Variants in SLC4A10 observed in about 807,000 individuals in gnomAD.
SLC4A10 encodes solute carrier family 4 member 10, also known as sodium-driven chloride bicarbonate exchanger.
In SLC4A10, 42 loss-of-function variants were observed where a neutral mutation model predicts 137.7. That is an observed-to-expected ratio of 0.30 (90% CI 0.24 to 0.39). SLC4A10 has a LOEUF of 0.39. Ranked by LOEUF, SLC4A10 falls within the 10% of genes least tolerant of loss-of-function variation. The probability of loss-of-function intolerance (pLI) is 1.00; values close to 1 mark genes in which losing one functional copy is unlikely to be tolerated. For missense variants in SLC4A10, 925 were observed against 1,355.0 expected (o/e 0.68, Z 4.98); for synonymous variants, 474 against 464.1 (o/e 1.02, Z -0.27).
At chr2:161,701,332 A>G (rs1343777794) in intron 1 of SLC4A10, among the ~76,000 whole-genome samples, 1 of 152,064 alleles carries the variant, frequency 6.6e-6, no homozygotes, top group Non-Finnish European at 1.5e-5. Context: ...TTAAAAAGAC[A>G]AAACCTGTCT....
chr2:161,682,610 T>C (rs2040981840), intron 1 of SLC4A10, among the ~76,000 whole-genome samples: 2 of 152,154 alleles, frequency 1.3e-5, no homozygotes, highest in Admixed American at 6.6e-5. Context: ...TATTTGCTTA[T>C]AATTTTGCAA....
At chr2:161,884,461 A>C (rs1047737936) in intron 10 of SLC4A10, among the ~76,000 whole-genome samples, 1 of 152,216 alleles carries the variant, frequency 6.6e-6, no homozygotes, top group African/African-American at 2.4e-5. Context: ...GACACAGAAC[A>C]GGGAAACATC....
intron 1 of SLC4A10, among the ~76,000 whole-genome samples, chr2:161,703,919 A>G (rs1292071302): frequency 2.0e-5 from 3 of 151,830 alleles, no homozygotes; most frequent in East Asian, 3.9e-4. Context: ...TAGGATTTCA[A>G]TAGAAATGGC....
intron 4 of SLC4A10, among the ~76,000 whole-genome samples, chr2:161,841,302 T>C (rs1427297595): frequency 2.0e-5 from 3 of 152,118 alleles, no homozygotes; most frequent in African/African-American, 7.2e-5. Flanking sequence ...GGTCTCGAAC[T>C]CCTGACCTCA....
intron 1 of SLC4A10, among the ~76,000 whole-genome samples, chr2:161,658,948 G>C (rs993975034): frequency 6.6e-6 from 1 of 152,056 alleles, no homozygotes; most frequent in Non-Finnish European, 1.5e-5. Context: ...CTTACATGCT[G>C]TTGGTGGAAA....
intron 1 of SLC4A10, among the ~76,000 whole-genome samples, chr2:161,719,285 T>G (rs907261835): frequency 8.5e-5 from 13 of 152,314 alleles, no homozygotes; most frequent in African/African-American, 2.4e-4. Context: ...TGCCACATTT[T>G]CTTAATCCAG....
chr2:161,854,765 AT>A (rs1456070234), intron 4 of SLC4A10, among the ~76,000 whole-genome samples: 1 of 152,152 alleles, frequency 6.6e-6, no homozygotes, highest in East Asian at 1.9e-4. Context: ...TTTTTCAATT[AT>A]TTTTTAATTG....
chr2:161,965,004 C>A, intron 22 of SLC4A10, 47 bp from the exon 23 acceptor site: 2 of 1,570,044 alleles, frequency 1.3e-6, no homozygotes, highest in Non-Finnish European at 1.7e-6. Context: ...CTACACCTCT[C>A]GTTTTAATTT....
intron 2 of SLC4A10, among the ~76,000 whole-genome samples, chr2:161,797,857 C>G (rs111738511): frequency 1.3e-5 from 2 of 151,670 alleles, no homozygotes; most frequent in Non-Finnish European, 2.9e-5. Context: ...AGTTAGTGGC[C>G]CTTTTGATGA....
chr2:161,701,308 G>A (rs2125005212), intron 1 of SLC4A10, among the ~76,000 whole-genome samples: 1 of 152,060 alleles, frequency 6.6e-6, no homozygotes, highest in African/African-American at 2.4e-5. Context: ...CTGTGAACCT[G>A]TCTGTGTTAG....
chr2:161,788,799 A>T (rs2053905643), intron 2 of SLC4A10, among the ~76,000 whole-genome samples: 1 of 152,064 alleles, frequency 6.6e-6, no homozygotes, highest in Non-Finnish European at 1.5e-5. Context: ...CCCACCTTTC[A>T]TGCATGCCTA....
intron 1 of SLC4A10, among the ~76,000 whole-genome samples, chr2:161,751,546 A>G (rs1270586519): frequency 1.3e-5 from 2 of 151,424 alleles, no homozygotes; most frequent in Non-Finnish European, 3.0e-5. Flanking sequence ...CCCCTTGATT[A>G]TATGCTACCA....
intron 1 of SLC4A10, among the ~76,000 whole-genome samples, chr2:161,744,455 A>T (rs746045772): frequency 9.2e-5 from 14 of 152,160 alleles, no homozygotes; most frequent in Admixed American, 5.9e-4. Flanking sequence ...CATTTGTTGA[A>T]CTATTGCTGC....
At chr2:161,671,169 G>A (rs2039668433) in intron 1 of SLC4A10, among the ~76,000 whole-genome samples, 3 of 152,108 alleles carry the variant, frequency 2.0e-5, no homozygotes. Context: ...AGCCCTGATC[G>A]ATAGAATTCA....
intron 1 of SLC4A10, among the ~76,000 whole-genome samples, chr2:161,769,498 T>C (rs1234335175): frequency 6.6e-6 from 1 of 151,896 alleles, no homozygotes; most frequent in Non-Finnish European, 1.5e-5. Context: ...AAGAACTATA[T>C]CCTCTTTCCT....
chr2:161,706,869 T>C (rs2043730388), intron 1 of SLC4A10, among the ~76,000 whole-genome samples: 1 of 151,634 alleles, frequency 6.6e-6, no homozygotes, highest in African/African-American at 2.4e-5. Flanking sequence ...TGCTACGGCT[T>C]TCATGTCAAC....
chr2:161,968,767 G>A (rs1430784057), intron 23 of SLC4A10, among the ~76,000 whole-genome samples: 1 of 152,156 alleles, frequency 6.6e-6, no homozygotes, highest in Non-Finnish European at 1.5e-5. Context: ...AGTTTAAAGA[G>A]GTTCGCTTTC....
At chr2:161,933,603 C>T (rs567397232) in intron 15 of SLC4A10, among the ~76,000 whole-genome samples, 7 of 152,218 alleles carry the variant, frequency 4.6e-5, no homozygotes, top group Admixed American at 6.5e-5. Flanking sequence ...CTATGTTGCC[C>T]AGATTGTTCT....
At chr2:161,938,523 T>C (rs537545741) in intron 15 of SLC4A10, among the ~76,000 whole-genome samples, 27 of 151,278 alleles carry the variant, frequency 1.8e-4, no homozygotes, top group Non-Finnish European at 2.9e-4. Context: ...TTATACATTA[T>C]TATCGATAAT....
Sources: allele counts gnomAD v4.1 joint callset (sites outside exome capture counted in the v4.1 genomes callset), GRCh38; gene constraint gnomAD v4.1.1; transcripts MANE v1.5; gene names NCBI Gene and HGNC (gene_info 2026-07-23, HGNC 2026-07-21).